FTO: variants seen among roughly 807,000 people sequenced by gnomAD.
FTO encodes FTO alpha-ketoglutarate dependent dioxygenase, also known as alpha-ketoglutarate-dependent dioxygenase FTO.
Under a neutral mutation model 63.9 loss-of-function variants are expected in FTO, and 47 were observed. That is an observed-to-expected ratio of 0.74 (90% confidence interval 0.58 to 0.94). The LOEUF (loss-of-function observed/expected upper bound fraction) is 0.94, where lower values mean the gene tolerates loss of function less well. FTO is among the 40% of genes least tolerant of loss of function. The pLI, the probability that FTO is intolerant of heterozygous loss-of-function variation, is 0.00. For synonymous variants in FTO, 207 were observed against 224.4 expected (o/e 0.92, Z 0.69); for missense variants, 562 against 618.1 (o/e 0.91, Z 0.96).
chr16:54,092,147 A>G (rs1171786883), intron 8 of FTO, among the ~76,000 whole-genome samples: 2 of 152,158 alleles, frequency 1.3e-5, no homozygotes. Flanking sequence ...TCTGGGCATG[A>G]TGGCACATGC....
Position 53,784,169 on chromosome 16 carries a change from C to T in FTO, c.46-25971C>T, listed in dbSNP as rs149216821. Among the ~76,000 whole-genome samples the T allele has an allele frequency of 7.1e-3, 1,079 of 152,294 alleles. 14 individuals carry two copies. The highest frequency in any genetic ancestry group is 0.025 in the African/African-American group (1,035 of 41,550). On this transcript the variant is annotated intron_variant, in intron 1 of 8. Transcript: ENST00000471389. ...TCTATATTCATAGCATCTTTCATAT[C>T]CTTAAAGATTCTATGTACTTTTCAG...
intron 8 of FTO, among the ~76,000 whole-genome samples, chr16:53,970,179 A>T (rs1362191764): frequency 1.3e-5 from 2 of 152,214 alleles, no homozygotes; most frequent in Admixed American, 6.5e-5. Flanking sequence ...ATAGGCAATG[A>T]TTCCCGTTTA....
rs2076204040 is a variant in FTO at position 53,728,623 on chromosome 16, G to C, written c.45+24394G>C. On this transcript the variant is annotated intron_variant, in intron 1 of 8. Coordinates refer to ENST00000471389, the MANE Select transcript of FTO (RefSeq NM_001080432.3). ...AGTTCTAAATACTATTAAAAAATTAGTGTAAGAGGATAAAGAGTTATTTTG... is the reference window on the plus strand; with the variant it reads ...AGTTCTAAATACTATTAAAAAATTACTGTAAGAGGATAAAGAGTTATTTTG... Among the ~76,000 whole-genome samples, 7 of 152,238 alleles carry C rather than the reference G, an allele frequency of 4.6e-5. No individual in the cohort carries two copies. The South Asian group carries it at 1.5e-3, about 32-fold the overall frequency.
chr16:53,725,621 G>A (rs1197885003), intron 1 of FTO, among the ~76,000 whole-genome samples: 1 of 152,146 alleles, frequency 6.6e-6, no homozygotes, highest in Admixed American at 6.5e-5. Flanking sequence ...ATTCTTGTTG[G>A]TAGAGAATAG....
chr16:53,838,140 G>A (rs573962973), intron 3 of FTO, among the ~76,000 whole-genome samples: 2 of 152,220 alleles, frequency 1.3e-5, no homozygotes, highest in South Asian at 2.1e-4. Flanking sequence ...TGGGAATGTC[G>A]AAGATCAGCA....
At chr16:54,098,452 G>A (rs1410901639) in intron 8 of FTO, among the ~76,000 whole-genome samples, 1 of 152,228 alleles carries the variant, frequency 6.6e-6, no homozygotes. Context: ...CAGCAGTTCA[G>A]TGGCAGGAGA....
At chr16:53,992,303 G>A (rs950635285) in intron 8 of FTO, 2 of 152,194 alleles carry the variant, frequency 1.3e-5, no homozygotes, top group Non-Finnish European at 2.9e-5. Context: ...TGGAAATAGA[G>A]TGGTATATGG....
chr16:53,825,085 C>T (rs990128134), intron 2 of FTO, among the ~76,000 whole-genome samples: 1 of 152,154 alleles, frequency 6.6e-6, no homozygotes, highest in Non-Finnish European at 1.5e-5. Context: ...CATCCATGCA[C>T]AAATCCATTT....
intron 8 of FTO, among the ~76,000 whole-genome samples, chr16:54,083,017 G>A (rs2086183988): frequency 6.6e-6 from 1 of 152,072 alleles, no homozygotes. Context: ...TGGTTTCTAT[G>A]TACCATAGAT....
In FTO at chr16:54,119,130, T is replaced by G. The variant is rs1304371830; in HGVS notation, c.*7215T>G. ...GCCTCTTTAGGTTTTTCAGACTCCA[T>G]GCACCCTGTGGAAACTGCCTTTCTT... is the stretch of plus-strand genomic sequence containing the variant. On this transcript the variant is annotated 3_prime_UTR_variant, in exon 9 of 9. Coordinates refer to ENST00000471389, the MANE Select transcript of FTO (RefSeq NM_001080432.3). 1 of 152,200 alleles carries G rather than the reference T, an allele frequency of 6.6e-6. No individual in the cohort carries two copies. Among genetic ancestry groups the G allele is most frequent in the Non-Finnish European group, 1.5e-5 (1 of 68,044 alleles). The allele number at this position is 152,200 out of a possible 1,614,324, so 9.4% of individuals were successfully genotyped here.
chr16:53,767,180 T>C (rs1259584109), intron 1 of FTO, among the ~76,000 whole-genome samples: 1 of 152,162 alleles, frequency 6.6e-6, no homozygotes, highest in Admixed American at 6.5e-5. Flanking sequence ...CTTAGCCCTG[T>C]TTAGTCTACG....
intron 8 of FTO, among the ~76,000 whole-genome samples, chr16:54,007,867 C>T (rs1125338): frequency 0.67 from 102,363 of 152,184 alleles, 35,541 homozygotes; most frequent in African/African-American, 0.84. Flanking sequence ...AAATAAAACA[C>T]TGTCTCCAGG....
chr16:53,730,218 C>T (rs2076241161), intron 1 of FTO, among the ~76,000 whole-genome samples: 1 of 152,058 alleles, frequency 6.6e-6, no homozygotes, highest in Admixed American at 6.6e-5. Flanking sequence ...TGCATGAAAA[C>T]ATTAGAAACT....
At chr16:53,856,115 T>A (rs776970526) in intron 4 of FTO, among the ~76,000 whole-genome samples, 4 of 152,000 alleles carry the variant, frequency 2.6e-5, no homozygotes, top group African/African-American at 9.7e-5. Flanking sequence ...TAGGCCTTTA[T>A]GTAGGTTGTA....
At chr16:54,108,169 A>G (rs1479750043) in intron 8 of FTO, among the ~76,000 whole-genome samples, 1 of 152,192 alleles carries the variant, frequency 6.6e-6, no homozygotes, top group Non-Finnish European at 1.5e-5. Flanking sequence ...AGTATTCCTC[A>G]CACATTTCGT....
At chr16:53,707,052 T>A (rs2075640224) in intron 1 of FTO, among the ~76,000 whole-genome samples, 1 of 152,242 alleles carries the variant, frequency 6.6e-6, no homozygotes, top group Non-Finnish European at 1.5e-5. Context: ...CCGAAGTGAT[T>A]TGACCATTTG....
intron 1 of FTO, among the ~76,000 whole-genome samples, chr16:53,789,525 T>C (rs1377124297): frequency 6.6e-6 from 1 of 152,166 alleles, no homozygotes; most frequent in Non-Finnish European, 1.5e-5. Context: ...AATTTCATGA[T>C]GCCAAAAAAT....
At chr16:53,979,951 G>A (rs2083505809) in intron 8 of FTO, among the ~76,000 whole-genome samples, 1 of 152,146 alleles carries the variant, frequency 6.6e-6, no homozygotes, top group Non-Finnish European at 1.5e-5. Context: ...AAGCACATTG[G>A]CTTATTCAAT....
rs117071353 is a variant in FTO at position 53,994,796 on chromosome 16, C to T, written c.1364+60687C>T. Among the ~76,000 whole-genome samples the T allele has an allele frequency of 6.4e-3, 975 of 151,952 alleles. 2 individuals are homozygous for T. The highest frequency in any genetic ancestry group is 0.031 in the Middle Eastern group (9 of 294). The stretch of plus-strand genomic sequence containing the variant: ...TTGTCCGGACTGCAGTACAGTGGTG[C>T]AATCTCTGCTCACAGCAATTTCCGT... On this transcript the variant is annotated intron_variant, in intron 8 of 8. Transcript: ENST00000471389.
Sources: allele counts gnomAD v4.1 joint callset (sites outside exome capture counted in the v4.1 genomes callset), GRCh38; gene constraint gnomAD v4.1.1; transcripts MANE v1.5; gene names NCBI Gene and HGNC (gene_info 2026-07-23, HGNC 2026-07-21).